The following HIP1 variants were observed in gnomAD, a reference collection of about 807,000 sequenced individuals.
The protein encoded by HIP1 is huntingtin-interacting protein 1.
Under a neutral mutation model 147.6 loss-of-function variants are expected in HIP1, and 65 were observed. The ratio of observed to expected loss-of-function variants is 0.44; its 90% CI spans 0.36 to 0.54. HIP1 has a LOEUF of 0.54. Among genes scored for constraint, HIP1 ranks in the 20% least tolerant of loss-of-function variants. The pLI, the probability that HIP1 is intolerant of heterozygous loss-of-function variation, is 0.00. For missense variants in HIP1, 1,061 were observed against 1,299.6 expected, an observed-to-expected ratio of 0.82 and a Z score of 2.82; for synonymous variants, 479 against 504.0, an observed-to-expected ratio of 0.95 and a Z score of 0.67.
chr7:75,639,431 G>A (rs983452128), intron 1 of HIP1, among the ~76,000 whole-genome samples: 4 of 151,632 alleles, frequency 2.6e-5, no homozygotes, highest in Non-Finnish European at 4.4e-5. Context: ...GGGTTCCCGG[G>A]CCAGATCCCG....
chr7:75,592,379 T>A lies in HIP1; in HGVS notation c.320A>T (p.His107Leu). ...HVFHKLLRDGHPNVLKDSLRY... is the reference protein window; with the variant it reads ...HVFHKLLRDGLPNVLKDSLRY... ...ATAGCCCCAGGAACTCACGTTCGGGTGTCCATCTCGGAGGAGTTTGTGGAA... is the reference window on the plus strand; with the variant it reads ...ATAGCCCCAGGAACTCACGTTCGGGAGTCCATCTCGGAGGAGTTTGTGGAA... Residue 107 changes from histidine to leucine, a missense_variant, in exon 3 of 31, where the codon CAC (histidine) becomes CTC (leucine). This residue lies in a region of HIP1 where 225 missense variants were observed against 292.9 expected (regional missense o/e 0.77). Transcript: ENST00000336926. The A allele has an allele frequency of 6.2e-7, 1 of 1,605,562 alleles. No homozygotes were observed. Among genetic ancestry groups the A allele is most frequent in the Non-Finnish European group, 8.5e-7 (1 of 1,177,202 alleles).
chr7:75,720,008 A>G (rs1296934316), intron 1 of HIP1, among the ~76,000 whole-genome samples: 2 of 152,174 alleles, frequency 1.3e-5, no homozygotes, highest in African/African-American at 4.8e-5. Context: ...ACCACACATT[A>G]GACAACTCCA....
At chr7:75,628,653 A>G (rs888154158) in intron 1 of HIP1, among the ~76,000 whole-genome samples, 20 of 151,980 alleles carry the variant, frequency 1.3e-4, no homozygotes, top group Non-Finnish European at 1.9e-4. Flanking sequence ...TAATTTTTGT[A>G]TTTTTAGTAG....
chr7:75,638,517 C>T (rs186628273), intron 1 of HIP1, among the ~76,000 whole-genome samples: 114 of 152,230 alleles, frequency 7.5e-4, no homozygotes, highest in Middle Eastern at 6.8e-3. Context: ...GCTGGGGTTC[C>T]CAAGTGGCCA....
At chr7:75,703,036 G>GA (rs1359001634) in intron 1 of HIP1, among the ~76,000 whole-genome samples, 1 of 151,982 alleles carries the variant, frequency 6.6e-6, no homozygotes, top group Non-Finnish European at 1.5e-5. Context: ...TTCTGGTAGA[G>GA]AAAAAAATTG....
chr7:75,587,410 G>GAATC lies in HIP1; in HGVS notation c.385-581_385-578dup, dbSNP rs1156814307. On this transcript the variant is annotated intron_variant, in intron 4 of 30. Coordinates refer to ENST00000336926, the MANE Select transcript of HIP1 (RefSeq NM_005338.7). ...TACCTTTATTCTTAAATGTAAAATA[G>GAATC]AATCAATCTATTTTTCTTGCTTAAT... Among the ~76,000 whole-genome samples, 5 of 152,206 alleles carry GAATC rather than the reference G, an allele frequency of 3.3e-5. No individual in the cohort carries two copies. In the East Asian group the frequency reaches 9.7e-4, roughly 29 times the overall value.
intron 1 of HIP1, among the ~76,000 whole-genome samples, chr7:75,642,630 C>CA (rs1798684160): frequency 6.6e-6 from 1 of 152,224 alleles, no homozygotes; most frequent in African/African-American, 2.4e-5. Context: ...CTCATCCTCC[C>CA]ACCCTGCCCA....
At chr7:75,567,552 C>A (rs1795452903) in intron 9 of HIP1, among the ~76,000 whole-genome samples, 1 of 151,380 alleles carries the variant, frequency 6.6e-6, no homozygotes. Flanking sequence ...CCTGTAATCC[C>A]AACACTTTGG....
At chr7:75,658,143 G>A (rs1269688456) in intron 1 of HIP1, among the ~76,000 whole-genome samples, 1 of 152,148 alleles carries the variant, frequency 6.6e-6, no homozygotes, top group Admixed American at 6.5e-5. Flanking sequence ...GCCCAGGCTG[G>A]AGTGCAGTGT....
At chr7:75,650,453 C>CTTTTTTTTTTTTTTTTTT (rs782108312) in intron 1 of HIP1, among the ~76,000 whole-genome samples, 3 of 126,532 alleles carry the variant, frequency 2.4e-5, no homozygotes, top group African/African-American at 9.2e-5. Context: ...GCCCAGTTAT[C>CTTTTTTTTTTTTTTTTTT]TTTTTTTTTT....
chr7:75,667,719 G>C (rs2705838), intron 1 of HIP1, among the ~76,000 whole-genome samples: 86,486 of 152,046 alleles, frequency 0.57, 25,068 homozygotes, highest in African/African-American at 0.66. Flanking sequence ...TCAAACTCCT[G>C]GCCTCAAGGA....
At chr7:75,581,172 G>T in intron 7 of HIP1, 65 bp downstream of exon 7, 1 of 1,223,860 alleles carries the variant, frequency 8.2e-7, no homozygotes, top group Admixed American at 1.9e-5. Flanking sequence ...TTTGCAGGGA[G>T]AGGAGGACTA....
chr7:75,621,728 G>A (rs964895380), intron 1 of HIP1, among the ~76,000 whole-genome samples: 2 of 152,184 alleles, frequency 1.3e-5, no homozygotes, highest in African/African-American at 2.4e-5. Context: ...GTGTCGAGAC[G>A]TGGTCGGTCT....
intron 25 of HIP1, 146 bp from the exon 26 acceptor site, chr7:75,545,334 G>A: frequency 3.1e-6 from 2 of 635,970 alleles, no homozygotes; most frequent in South Asian, 1.8e-5. Context: ...AAAAGAAGAA[G>A]ATTCAGAGAC....
intron 1 of HIP1, among the ~76,000 whole-genome samples, chr7:75,718,143 T>A (rs1275017340): frequency 1.3e-5 from 2 of 151,766 alleles, no homozygotes; most frequent in East Asian, 1.9e-4. Context: ...AAAATTAGAT[T>A]AGTTTTGCAA....
chr7:75,553,664 G>A, intron 21 of HIP1, 75 bp from the exon 22 acceptor site: 6 of 1,424,232 alleles, frequency 4.2e-6, no homozygotes, highest in Non-Finnish European at 5.8e-6. Flanking sequence ...GGAGTGCAGT[G>A]GCGCCATCTC....
At chr7:75,541,405 C>T (rs1417315343) in intron 29 of HIP1, among the ~76,000 whole-genome samples, 1 of 151,918 alleles carries the variant, frequency 6.6e-6, no homozygotes, top group African/African-American at 2.4e-5. Flanking sequence ...TGGTGGGCGC[C>T]TGTAGTTCCA....
chr7:75,665,228 C>T (rs549419991), intron 1 of HIP1, among the ~76,000 whole-genome samples: 34 of 152,200 alleles, frequency 2.2e-4, no homozygotes, highest in African/African-American at 7.9e-4. Flanking sequence ...AGCCACTGCA[C>T]TCCAGCCTGG....
At chr7:75,561,972 GC>G in intron 12 of HIP1, 100 bp downstream of exon 12, 2 of 737,918 alleles carry the variant, frequency 2.7e-6, no homozygotes, top group South Asian at 1.6e-5. Flanking sequence ...TATCTAAGAA[GC>G]CCCAGTATCA....
Sources: allele counts gnomAD v4.1 joint callset (sites outside exome capture counted in the v4.1 genomes callset), GRCh38; gene constraint gnomAD v4.1.1; regional missense constraint gnomAD v4.1.1; transcripts MANE v1.5; gene names NCBI Gene and HGNC (gene_info 2026-07-23, HGNC 2026-07-21).